PDE4D: variants seen among roughly 807,000 people sequenced by gnomAD.
PDE4D encodes the protein phosphodiesterase 4D, also known as 3',5'-cyclic-AMP phosphodiesterase 4D.
Under a neutral mutation model 87.4 loss-of-function variants are expected in PDE4D, and 24 were observed. The ratio of observed to expected loss-of-function variants is 0.27; its 90% CI spans 0.20 to 0.39. PDE4D has a LOEUF of 0.39. Among genes scored for constraint, PDE4D ranks in the 10% least tolerant of loss-of-function variants. PDE4D has a pLI of 1.00. For synonymous variants in PDE4D, 384 were observed against 383.2 expected (o/e 1.00, Z -0.02); for missense variants, 714 against 1,041.0 (o/e 0.69, Z 4.32).
At chr5:59,898,671 T>C (rs1478796415), upstream of PDE4D, among the ~76,000 whole-genome samples, 1 of 152,102 alleles carries the variant, frequency 6.6e-6, no homozygotes, top group East Asian at 1.9e-4. Context: ...AGATGAGAGA[T>C]ATTGTGGGGC....
At chr5:59,373,905 CA>C (rs762329559) in intron 1 of PDE4D, among the ~76,000 whole-genome samples, 8 of 152,256 alleles carry the variant, frequency 5.3e-5, no homozygotes, top group Admixed American at 1.3e-4. Context: ...TTCCAACCAA[CA>C]ATTTCATATC....
chr5:59,175,471 C>CTTTTTTTTTT (rs563138575), intron 5 of PDE4D, among the ~76,000 whole-genome samples: 2 of 91,204 alleles, frequency 2.2e-5, no homozygotes, highest in African/African-American at 4.0e-5. Context: ...ATTTTTCTTT[C>CTTTTTTTTTT]TTTTTTTTTT....
chr5:60,313,205 G>C (rs1755209784), intron 1 of PDE4D, among the ~76,000 whole-genome samples: 1 of 151,342 alleles, frequency 6.6e-6, no homozygotes, highest in African/African-American at 2.4e-5. Flanking sequence ...GAAAAAAAAA[G>C]AGAGATGATC....
intron 1 of PDE4D, among the ~76,000 whole-genome samples, chr5:59,771,442 A>G (rs1763443047): frequency 1.4e-5 from 1 of 70,258 alleles, no homozygotes; most frequent in Non-Finnish European, 2.8e-5. Context: ...AAAAAGAAAG[A>G]AAGAAAGAAA....
chr5:59,525,052 C>T (rs1298166083), intron 1 of PDE4D, among the ~76,000 whole-genome samples: 1 of 152,238 alleles, frequency 6.6e-6, no homozygotes, highest in South Asian at 2.1e-4. Flanking sequence ...AGCTCCCACA[C>T]AGAATTCCCA....
chr5:59,711,464 T>C (rs1754187392), intron 1 of PDE4D, among the ~76,000 whole-genome samples: 1 of 152,186 alleles, frequency 6.6e-6, no homozygotes, highest in African/African-American at 2.4e-5. Context: ...TTGCATAATC[T>C]TTCAATTCTT....
chr5:60,439,293 T>G (rs917065101), intron 1 of PDE4D, among the ~76,000 whole-genome samples: 2 of 152,128 alleles, frequency 1.3e-5, no homozygotes, highest in African/African-American at 2.4e-5. Flanking sequence ...ACAAATGGAC[T>G]GTGGATAATG....
At chr5:59,416,450 T>G (rs1582490743) in intron 1 of PDE4D, among the ~76,000 whole-genome samples, 1 of 152,100 alleles carries the variant, frequency 6.6e-6, no homozygotes, top group African/African-American at 2.4e-5. Context: ...AATGGTGTGT[T>G]TGAGAACTGT....
intron 6 of PDE4D, among the ~76,000 whole-genome samples, chr5:59,037,850 T>C (rs1451114544): frequency 2.0e-5 from 3 of 150,918 alleles, no homozygotes; most frequent in African/African-American, 4.9e-5. Flanking sequence ...AAAAAAAGCA[T>C]CACTCATTTA....
intron 1 of PDE4D, among the ~76,000 whole-genome samples, chr5:59,885,289 G>C (rs1749983825): frequency 6.6e-6 from 1 of 151,884 alleles, no homozygotes; most frequent in Non-Finnish European, 1.5e-5. Flanking sequence ...TTTTCAAAAT[G>C]TTCTTTACTA....
chr5:60,139,453 G>A (rs1259384887), intron 2 of PDE4D, among the ~76,000 whole-genome samples: 2 of 151,950 alleles, frequency 1.3e-5, no homozygotes, highest in African/African-American at 4.8e-5. Context: ...TATTCTCAAG[G>A]GATATAATGC....
At chr5:59,089,276 C>T (rs989842391) in intron 5 of PDE4D, among the ~76,000 whole-genome samples, 1 of 135,158 alleles carries the variant, frequency 7.4e-6, no homozygotes, top group Non-Finnish European at 1.6e-5. Flanking sequence ...AGTAGCTTGG[C>T]TCTGACTACA....
At position 59,854,777 on chromosome 5, in the gene PDE4D, C is replaced by G. The variant is rs1581434788; in HGVS notation, c.455+38391G>C. On this transcript the variant is annotated intron_variant, in intron 1 of 14. Coordinates refer to ENST00000340635, the MANE Select transcript of PDE4D (RefSeq NM_001104631.2). ...CAAGTAAAAAGAAAAAAAATGCCAA[C>G]TCTAATGTGAGTTATTAACATTTAT... 2.0e-5 allele frequency among the ~76,000 whole-genome samples: 3 copies of G among 152,094 alleles called. No individual in the cohort carries two copies. In the South Asian group the frequency reaches 6.2e-4, roughly 31 times the overall value.
intron 5 of PDE4D, among the ~76,000 whole-genome samples, chr5:59,088,703 G>T (rs1292295306): frequency 6.6e-6 from 1 of 152,146 alleles, no homozygotes; most frequent in Non-Finnish European, 1.5e-5. Flanking sequence ...CACAGGAACT[G>T]CATGTTCTCA....
intron 2 of PDE4D, among the ~76,000 whole-genome samples, chr5:60,108,145 A>G (rs1369176735): frequency 6.6e-6 from 1 of 151,886 alleles, no homozygotes; most frequent in African/African-American, 2.4e-5. Flanking sequence ...TAAGCTGATA[A>G]GCAACTTCAG....
chr5:59,286,048 A>C (rs745904294), intron 1 of PDE4D, among the ~76,000 whole-genome samples: 4 of 152,184 alleles, frequency 2.6e-5, no homozygotes, highest in Non-Finnish European at 5.9e-5. Flanking sequence ...ATGCATTAGC[A>C]CATTCGTATT....
chr5:59,864,760 T>G (rs1228524350), intron 1 of PDE4D, among the ~76,000 whole-genome samples: 1 of 152,132 alleles, frequency 6.6e-6, no homozygotes, highest in Admixed American at 6.5e-5. Flanking sequence ...AGCGTGCCCT[T>G]GGGATAACGA....
At chr5:59,990,984 AC>A (rs763814678) in intron 2 of PDE4D, among the ~76,000 whole-genome samples, 3 of 152,228 alleles carry the variant, frequency 2.0e-5, no homozygotes, top group African/African-American at 4.8e-5. Context: ...ACCATGCTGC[AC>A]TACCTTAACA....
chr5:59,645,730 A>G (rs1742335578), intron 1 of PDE4D, among the ~76,000 whole-genome samples: 1 of 152,206 alleles, frequency 6.6e-6, no homozygotes, highest in South Asian at 2.1e-4. Context: ...CAAAACATAT[A>G]AAGCCAGGAA....
Sources: gnomAD v4.1 joint callset for allele counts (sites outside exome capture counted in the v4.1 genomes callset) on GRCh38, gnomAD v4.1.1 for gene constraint, MANE v1.5 for transcripts, NCBI Gene and HGNC (gene_info 2026-07-23, HGNC 2026-07-21) for gene names.